Variants in TBC1D2B observed in about 807,000 individuals in gnomAD.
TBC1D2B encodes TBC1 domain family, member 2B.
A neutral mutation model predicts 100.8 loss-of-function variants in TBC1D2B; 64 were observed. That is an observed-to-expected ratio of 0.64 (90% CI 0.52 to 0.78). The LOEUF is 0.78. TBC1D2B is among the 30% of genes least tolerant of loss of function. The pLI is 0.00. For synonymous variants in TBC1D2B, 480 were observed against 479.7 expected (o/e 1.00, Z -0.01); for missense variants, 1,052 against 1,218.4 (o/e 0.86, Z 2.03).
Position 78,024,234 on chromosome 15 carries a change from C to G in TBC1D2B, c.1392G>C (p.Gly464=), listed in dbSNP as rs748378277. The change falls in exon 6 of 13, where the codon GGG becomes GGC. Residue 464 remains glycine, a synonymous_variant. Transcript: ENST00000300584. ...IIKLSEGEGN[G]PPPTVAPSSP... ...AGCTGGGCGCCACGGTGGGAGGAGG[C>G]CCGTTGCCCTCGCCCTCGCTGAGCT... 6.8e-6 allele frequency: 11 copies of G among 1,613,926 alleles called. No individual in the cohort carries two copies. Among genetic ancestry groups the G allele is most frequent in the Non-Finnish European group, 8.5e-6 (10 of 1,179,888 alleles).
chr15:78,072,558 G>T (rs923766651), intron 1 of TBC1D2B, among the ~76,000 whole-genome samples: 1 of 152,180 alleles, frequency 6.6e-6, no homozygotes, highest in African/African-American at 2.4e-5. Flanking sequence ...CAACACCAGG[G>T]AATGTGCATT....
chr15:78,072,876 A>G (rs12901812), intron 1 of TBC1D2B, among the ~76,000 whole-genome samples: 76,049 of 152,014 alleles, frequency 0.5, 20,032 homozygotes, highest in East Asian at 0.63. Context: ...AGCCTCTGCT[A>G]GACCCTTGCA....
intron 10 of TBC1D2B, 178 bp from the exon 11 acceptor site, chr15:78,003,668 C>T: frequency 1.8e-6 from 1 of 569,824 alleles, no homozygotes; most frequent in African/African-American, 1.9e-5. Context: ...GCAGCGCTGA[C>T]CTCGTGCACT....
chr15:78,004,000 G>A (rs2071992005), intron 10 of TBC1D2B, among the ~76,000 whole-genome samples: 2 of 152,202 alleles, frequency 1.3e-5, no homozygotes, highest in East Asian at 3.9e-4. Context: ...ATGAACCTGA[G>A]TCTGAATCTC....
chr15:78,039,787 C>T (rs2073033262), intron 3 of TBC1D2B, among the ~76,000 whole-genome samples: 1 of 149,388 alleles, frequency 6.7e-6, no homozygotes, highest in Non-Finnish European at 1.5e-5. Flanking sequence ...CACACACACG[C>T]AATTTACTGA....
intron 1 of TBC1D2B, among the ~76,000 whole-genome samples, chr15:78,064,902 A>G (rs1312004832): frequency 1.3e-5 from 2 of 152,240 alleles, no homozygotes; most frequent in African/African-American, 2.4e-5. Flanking sequence ...TCTACTGAAC[A>G]TAACAAATTC....
At chr15:78,019,455 C>A (rs553509405) in intron 6 of TBC1D2B, among the ~76,000 whole-genome samples, 1 of 152,146 alleles carries the variant, frequency 6.6e-6, no homozygotes, top group Non-Finnish European at 1.5e-5. Context: ...ACTAGAACTT[C>A]GATAGGCATC....
At chr15:78,052,199 A>C (rs117075735) in intron 2 of TBC1D2B, among the ~76,000 whole-genome samples, 2 of 150,916 alleles carry the variant, frequency 1.3e-5, no homozygotes, top group African/African-American at 2.4e-5. Context: ...CTGTCATCTG[A>C]CTCCCCTCCT....
Position 77,998,026 on chromosome 15 carries a change from G to T in TBC1D2B, c.*134C>A, listed in dbSNP as rs1164973238. 2 of 833,456 alleles carry T rather than the reference G, an allele frequency of 2.4e-6. No individual in the cohort carries two copies. The highest frequency in any genetic ancestry group is 3.0e-5 in the East Asian group (1 of 33,054). The allele number at this position is 833,456 out of a possible 1,614,324, so 51.6% of individuals were successfully genotyped here. On this transcript the variant is annotated 3_prime_UTR_variant, in exon 13 of 13. Transcript: ENST00000300584. ...CCCCGCACAGTGGGAAATGAGGAAG[G>T]GCAGCCTGGCTTGGGACATCTGCCC...
intron 11 of TBC1D2B, chr15:78,002,058 G>T: frequency 5.8e-6 from 1 of 173,020 alleles, no homozygotes; most frequent in Non-Finnish European, 1.2e-5. Context: ...ACAAACATAA[G>T]GAATCATTTT....
intron 1 of TBC1D2B, among the ~76,000 whole-genome samples, chr15:78,063,111 G>A (rs1170011103): frequency 1.3e-5 from 2 of 152,138 alleles, no homozygotes; most frequent in Admixed American, 1.3e-4. Context: ...ATATTATCAT[G>A]TTTACCGATA....
rs548455432 is a variant in TBC1D2B, at chr15:78,019,904, G to C, written c.1471-1947C>G. ...ACTCTGTATCAAAAAAAAAAAAAGG[G>C]GGGGGGAGACAGGGTCTCACTCTTG... On this transcript the variant is annotated intron_variant, in intron 6 of 12. Transcript: ENST00000300584. 5.9e-4 allele frequency among the ~76,000 whole-genome samples: 89 copies of C among 150,556 alleles called. 1 individual carries two copies. Among genetic ancestry groups the C allele is most frequent in the South Asian group, 3.4e-3 (16 of 4,738 alleles).
rs549539836 is a variant in TBC1D2B at position 78,044,092 on chromosome 15, C to T, written c.683+808G>A. On this transcript the variant is annotated intron_variant, in intron 3 of 12. Coordinates refer to ENST00000300584, the MANE Select transcript of TBC1D2B (RefSeq NM_144572.2). ...TAGAAAGTTGATTAGGAGTTGCCTA[C>T]GGCTGAGGGTTGACAGAGGAGAAGG... Among the ~76,000 whole-genome samples the T allele has an allele frequency of 1.1e-3, 166 of 150,514 alleles. 1 individual carries two copies. The highest frequency in any genetic ancestry group is 7.0e-3 in the Middle Eastern group (2 of 286).
Position 78,029,279 on chromosome 15 carries a change from G to A in TBC1D2B, c.847+728C>T, listed in dbSNP as rs546746809. ...TCACCATGTTAGCCAGGATGGTCTC[G>A]ATCTCCTGACCTCGTGATCTGCCCA... On this transcript the variant is annotated intron_variant, in intron 4 of 12. Coordinates refer to ENST00000300584, the MANE Select transcript of TBC1D2B (RefSeq NM_144572.2). 3.3e-5 allele frequency among the ~76,000 whole-genome samples: 5 copies of A among 152,052 alleles called. No homozygotes were observed. In the East Asian group the frequency reaches 5.8e-4, roughly 18 times the overall value.
chr15:78,006,983 G>A (rs759973592), intron 10 of TBC1D2B, among the ~76,000 whole-genome samples: 4 of 152,244 alleles, frequency 2.6e-5, no homozygotes, highest in Non-Finnish European at 4.4e-5. Context: ...CACTGTCCTG[G>A]AGGCCTGCAC....
At chr15:78,011,681 C>T (rs1321893553) in intron 9 of TBC1D2B, among the ~76,000 whole-genome samples, 1 of 142,430 alleles carries the variant, frequency 7.0e-6, no homozygotes. Flanking sequence ...CAGAGTCTCG[C>T]TCTGTTGTTC....
intron 3 of TBC1D2B, among the ~76,000 whole-genome samples, chr15:78,031,374 C>T (rs1208618835): frequency 6.6e-6 from 1 of 151,652 alleles, no homozygotes; most frequent in Non-Finnish European, 1.5e-5. Context: ...GCCAACATGG[C>T]GAAACTCTGT....
intron 3 of TBC1D2B, among the ~76,000 whole-genome samples, chr15:78,034,301 T>C (rs1445839275): frequency 6.6e-6 from 1 of 152,202 alleles, no homozygotes; most frequent in Non-Finnish European, 1.5e-5. Context: ...TATACTTCTG[T>C]TCATTTTTTT....
chr15:78,067,905 C>A (rs914127519), intron 1 of TBC1D2B, among the ~76,000 whole-genome samples: 3 of 152,252 alleles, frequency 2.0e-5, no homozygotes, highest in Non-Finnish European at 4.4e-5. Context: ...TACTAACTCC[C>A]TTGTCCCATC....
Sources: allele counts gnomAD v4.1 joint callset (sites outside exome capture counted in the v4.1 genomes callset), GRCh38; gene constraint gnomAD v4.1.1; transcripts MANE v1.5; gene names NCBI Gene and HGNC (gene_info 2026-07-23, HGNC 2026-07-21).